Variants in TRIM44 observed in about 807,000 individuals in gnomAD.
TRIM44 encodes tripartite motif-containing protein 44.
In TRIM44, 13 loss-of-function variants were observed where a neutral mutation model predicts 37.4. The observed-to-expected ratio is 0.35, with a 90% CI of 0.23 to 0.55. The LOEUF is 0.55. Among genes scored for constraint, TRIM44 ranks in the 20% least tolerant of loss-of-function variants. TRIM44 has a pLI of 0.89. For synonymous variants in TRIM44, 175 were observed against 157.2 expected (o/e 1.11, Z -0.85); for missense variants, 426 against 437.2 (o/e 0.97, Z 0.23).
chr11:35,779,644 T>C (rs1853033053), intron 4 of TRIM44, among the ~76,000 whole-genome samples: 1 of 152,176 alleles, frequency 6.6e-6, no homozygotes, highest in Non-Finnish European at 1.5e-5. Context: ...TTGTTGCAAT[T>C]GCTTTTGAGG....
At chr11:35,760,645 A>T (rs1029686301) in intron 4 of TRIM44, among the ~76,000 whole-genome samples, 2 of 152,038 alleles carry the variant, frequency 1.3e-5, no homozygotes, top group Admixed American at 1.3e-4. Context: ...TCCACTTCCT[A>T]TGTTTTTTAA....
At chr11:35,761,351 A>G (rs1001144704) in intron 4 of TRIM44, among the ~76,000 whole-genome samples, 3 of 151,944 alleles carry the variant, frequency 2.0e-5, no homozygotes, top group East Asian at 1.9e-4. Flanking sequence ...TTTTATCTCT[A>G]TAACAAGTCT....
At chr11:35,746,747 C>T (rs1852496919) in intron 4 of TRIM44, among the ~76,000 whole-genome samples, 1 of 152,086 alleles carries the variant, frequency 6.6e-6, no homozygotes, top group Non-Finnish European at 1.5e-5. Context: ...AATTCATGTG[C>T]CTATACTTGT....
At chr11:35,679,602 G>C (rs1851502264) in intron 1 of TRIM44, among the ~76,000 whole-genome samples, 1 of 152,178 alleles carries the variant, frequency 6.6e-6, no homozygotes, top group Non-Finnish European at 1.5e-5. Context: ...AAAGTGAGTA[G>C]TTGCTACTCA....
rs543333859 is a variant in TRIM44, at chr11:35,778,018, G to A, written c.1008-28340G>A. Among the ~76,000 whole-genome samples the A allele has an allele frequency of 2.0e-5, 3 of 152,244 alleles. No individual in the cohort carries two copies. In the East Asian group the frequency reaches 5.8e-4, roughly 29 times the overall value. ...ATGTTGGCCTGCCTTGCTAGGCTGGGGAAGTTCTCCTGGATAAAATCCTGA... is the reference window on the plus strand; with the variant it reads ...ATGTTGGCCTGCCTTGCTAGGCTGGAGAAGTTCTCCTGGATAAAATCCTGA... On this transcript the variant is annotated intron_variant, in intron 4 of 4. Transcript: ENST00000299413.
At chr11:35,721,078 A>G (rs1399499856) in intron 2 of TRIM44, among the ~76,000 whole-genome samples, 2 of 151,720 alleles carry the variant, frequency 1.3e-5, no homozygotes, top group African/African-American at 4.8e-5. Context: ...TAAATTTTGT[A>G]TTTTTAGTAG....
At position 35,722,855 on chromosome 11, in the gene TRIM44, G is replaced by A. The variant is rs188118904; in HGVS notation, c.748-3069G>A. ...AAAATGGAGTGGCTTTGGTTCAGACGCCTGTGACAAAACAAATGTTTCTGA... is the reference window on the plus strand; with the variant it reads ...AAAATGGAGTGGCTTTGGTTCAGACACCTGTGACAAAACAAATGTTTCTGA... On this transcript the variant is annotated intron_variant, in intron 2 of 4. Coordinates refer to ENST00000299413, the MANE Select transcript of TRIM44 (RefSeq NM_017583.6). 7.9e-5 allele frequency among the ~76,000 whole-genome samples: 12 copies of A among 152,208 alleles called. No homozygotes were observed. The East Asian group carries it at 1.9e-3, about 24-fold the overall frequency.
At chr11:35,774,265 G>A (rs1017958006) in intron 4 of TRIM44, among the ~76,000 whole-genome samples, 7 of 152,172 alleles carry the variant, frequency 4.6e-5, no homozygotes, top group Non-Finnish European at 1.0e-4. Flanking sequence ...CTGCATAAAT[G>A]TCTTCTTCTG....
intron 2 of TRIM44, among the ~76,000 whole-genome samples, chr11:35,716,510 AC>A (rs1223365920): frequency 1.3e-5 from 2 of 152,202 alleles, no homozygotes; most frequent in Non-Finnish European, 2.9e-5. Flanking sequence ...ATATGGGGCA[AC>A]ATCTCTGCAG....
intron 4 of TRIM44, among the ~76,000 whole-genome samples, chr11:35,803,987 GA>G (rs201464930): frequency 0.015 from 1,718 of 118,024 alleles, 15 homozygotes; most frequent in African/African-American, 0.04. Context: ...GTTCTGGGAA[GA>G]AAAAAAAAAA....
intron 2 of TRIM44, among the ~76,000 whole-genome samples, chr11:35,722,208 T>G (rs1331226331): frequency 6.6e-6 from 1 of 152,196 alleles, no homozygotes; most frequent in Non-Finnish European, 1.5e-5. Flanking sequence ...AAATGGACTT[T>G]TTGGGGAGAT....
At chr11:35,688,239 C>T (rs986830606) in intron 2 of TRIM44, among the ~76,000 whole-genome samples, 1 of 152,318 alleles carries the variant, frequency 6.6e-6, no homozygotes, top group African/African-American at 2.4e-5. Flanking sequence ...GGACTGAGCA[C>T]TATCTCTGCC....
At chr11:35,709,774 G>T (rs1042025650) in intron 2 of TRIM44, among the ~76,000 whole-genome samples, 68 of 152,214 alleles carry the variant, frequency 4.5e-4, no homozygotes, top group African/African-American at 1.6e-3. Context: ...CACTCCTGGG[G>T]GTCGTTAGAA....
Position 35,811,641 on chromosome 11 carries a change from A to G in TRIM44, c.*5256A>G, listed in dbSNP as rs950079872. 1 of 152,156 alleles carries G rather than the reference A, an allele frequency of 6.6e-6. No individual in the cohort carries two copies. Among genetic ancestry groups the G allele is most frequent in the Non-Finnish European group, 1.5e-5 (1 of 68,034 alleles). The allele number at this position is 152,156 out of a possible 1,614,324, so 9.4% of individuals were successfully genotyped here. A position where few individuals can be genotyped will look rare whatever the true frequency, so the allele number is the denominator to read the frequency against. On this transcript the variant is annotated 3_prime_UTR_variant, in exon 5 of 5. Coordinates refer to ENST00000299413, the MANE Select transcript of TRIM44 (RefSeq NM_017583.6). ...AGGCCTTCAGGAGCCAAATGTGAAGACTCAAGATGGTAGATACTGTGTGAA... is the reference window on the plus strand; with the variant it reads ...AGGCCTTCAGGAGCCAAATGTGAAGGCTCAAGATGGTAGATACTGTGTGAA...
Position 35,806,476 on chromosome 11 carries a change from C to A in TRIM44, c.*91C>A. 1.4e-6 allele frequency: 2 copies of A among 1,429,138 alleles called. No homozygotes were observed. The highest frequency in any genetic ancestry group is 2.0e-6 in the Non-Finnish European group (2 of 1,012,932). The allele number at this position is 1,429,138 out of a possible 1,614,324, so 88.5% of individuals were successfully genotyped here. A position where few individuals can be genotyped will look rare whatever the true frequency, so the allele number is the denominator to read the frequency against. ...CGGCTTCTGATTTCTGTGAAAGCTGCTCAGCAACAAACGTACTTCCACCAG... is the reference window on the plus strand; with the variant it reads ...CGGCTTCTGATTTCTGTGAAAGCTGATCAGCAACAAACGTACTTCCACCAG... On this transcript the variant is annotated 3_prime_UTR_variant, in exon 5 of 5. Transcript: ENST00000299413.
In TRIM44 at chr11:35,725,076, A is replaced by T. The variant is rs1011345400; in HGVS notation, c.748-848A>T. On this transcript the variant is annotated intron_variant, in intron 2 of 4. Coordinates refer to ENST00000299413, the MANE Select transcript of TRIM44 (RefSeq NM_017583.6). The stretch of plus-strand genomic sequence containing the variant: ...GAGACATGCACACACTCACACACAC[A>T]CACACACACACACACACACACACAC... 8.3e-3 allele frequency among the ~76,000 whole-genome samples: 1,240 copies of T among 150,040 alleles called. 18 individuals are homozygous for T. The highest frequency in any genetic ancestry group is 0.028 in the African/African-American group (1,152 of 41,052).
At chr11:35,754,047 T>TA (rs71916686) in intron 4 of TRIM44, among the ~76,000 whole-genome samples, 30 of 145,152 alleles carry the variant, frequency 2.1e-4, no homozygotes, top group South Asian at 1.8e-3. Context: ...GTCTCAAATT[T>TA]AAAAAAAAAA....
intron 2 of TRIM44, among the ~76,000 whole-genome samples, chr11:35,716,576 A>G (rs1345968808): frequency 1.3e-5 from 2 of 152,192 alleles, no homozygotes; most frequent in Admixed American, 6.5e-5. Flanking sequence ...GTCAGAATGT[A>G]TTGCCCACTG....
At position 35,662,787 on chromosome 11, in the gene TRIM44, G is replaced by T; in HGVS notation, c.-325G>T. ...CGGCGCGGGGGCCGGCGGCTGCCGCGATCTCTCCCTGGTAGCGGGAGGCTG... is the reference window on the plus strand; with the variant it reads ...CGGCGCGGGGGCCGGCGGCTGCCGCTATCTCTCCCTGGTAGCGGGAGGCTG... On this transcript the variant is annotated 5_prime_UTR_variant, in exon 1 of 5. Transcript: ENST00000299413. 4.4e-6 allele frequency: 1 copy of T among 225,214 alleles called. No homozygotes were observed. The highest frequency in any genetic ancestry group is 8.6e-6 in the Non-Finnish European group (1 of 116,498). The allele number at this position is 225,214 out of a possible 1,614,324, so 14.0% of individuals were successfully genotyped here. A position where few individuals can be genotyped will look rare whatever the true frequency, so the allele number is the denominator to read the frequency against.
Sources: allele counts gnomAD v4.1 joint callset (sites outside exome capture counted in the v4.1 genomes callset), GRCh38; gene constraint gnomAD v4.1.1; transcripts MANE v1.5; gene names NCBI Gene and HGNC (gene_info 2026-07-23, HGNC 2026-07-21).